The following SCP2 variants were observed in gnomAD, a reference collection of about 807,000 sequenced individuals.
SCP2 encodes SCP-2/3-oxoacyl-CoA thiolase.
Under a neutral mutation model 71.4 loss-of-function variants are expected in SCP2, and 48 were observed. The observed-to-expected ratio is 0.67, with a 90% CI of 0.53 to 0.86. The LOEUF is 0.86. SCP2 is among the 40% of genes least tolerant of loss of function. The probability of loss-of-function intolerance (pLI) is 0.00; values close to 1 mark genes in which losing one functional copy is unlikely to be tolerated. For missense variants in SCP2, 560 were observed against 655.6 expected, an observed-to-expected ratio of 0.85 and a Z score of 1.59; for synonymous variants, 220 against 218.1, an observed-to-expected ratio of 1.01 and a Z score of -0.08.
intron 1 of SCP2, among the ~76,000 whole-genome samples, chr1:52,932,790 T>C (rs1194827357): frequency 6.6e-6 from 1 of 152,172 alleles, no homozygotes; most frequent in Admixed American, 6.5e-5. Context: ...ATTAGTATTG[T>C]TATGAGATTA....
At chr1:52,978,187 G>A in intron 8 of SCP2, 30 bp from the exon 9 acceptor site, 1 of 1,610,176 alleles carries the variant, frequency 6.2e-7, no homozygotes, top group Non-Finnish European at 8.5e-7. Context: ...GTGCTACTGG[G>A]TGTGGAGAAT....
At chr1:52,965,272 G>GT (rs1165423985) in intron 6 of SCP2, among the ~76,000 whole-genome samples, 12 of 151,724 alleles carry the variant, frequency 7.9e-5, no homozygotes, top group South Asian at 4.2e-4. Flanking sequence ...ATGTGCATGG[G>GT]TTTTTTTTGT....
intron 14 of SCP2, 131 bp downstream of exon 14, chr1:53,039,177 A>T: frequency 8.6e-7 from 1 of 1,158,744 alleles, no homozygotes; most frequent in Non-Finnish European, 1.2e-6. Context: ...AGTAAATTCC[A>T]GGGAACAGGA....
chr1:52,994,506 A>T (rs1659784747), intron 11 of SCP2: 1 of 185,218 alleles, frequency 5.4e-6, no homozygotes, highest in Non-Finnish European at 1.1e-5. Context: ...AATTTTTCAT[A>T]TCTATATTTG....
chr1:52,974,211 C>G (rs189973861), intron 6 of SCP2, among the ~76,000 whole-genome samples: 1 of 151,808 alleles, frequency 6.6e-6, no homozygotes, highest in Non-Finnish European at 1.5e-5. Flanking sequence ...ATTTTTTTTG[C>G]GTGTTTTACC....
intron 6 of SCP2, among the ~76,000 whole-genome samples, chr1:52,962,352 G>A (rs575770154): frequency 6.6e-6 from 1 of 152,158 alleles, no homozygotes; most frequent in East Asian, 1.9e-4. Flanking sequence ...TGCTGTAGTG[G>A]CATAATTTCG....
rs1191733668 is a variant in SCP2 at position 52,995,829 on chromosome 1, G to A, written c.1081+7693G>A. 52 of 1,022,408 alleles carry A rather than the reference G, an allele frequency of 5.1e-5. 1 individual carries two copies. In the South Asian group the frequency reaches 7.1e-4, roughly 14 times the overall value. 63.3% of individuals were successfully genotyped at this position (1,022,408 alleles called of 1,614,324 possible). A position where few individuals can be genotyped will look rare whatever the true frequency, so the allele number is the denominator to read the frequency against. On this transcript the variant is annotated intron_variant, in intron 11 of 15. Coordinates refer to ENST00000371514, the MANE Select transcript of SCP2 (RefSeq NM_002979.5). The stretch of plus-strand genomic sequence containing the variant: ...ACGGCCATCCAGGAGCTCTTCAGGT[G>A]CATCTTGGAGCAGTTCACTGCCATG...
intron 1 of SCP2, among the ~76,000 whole-genome samples, chr1:52,929,056 G>A (rs1380129396): frequency 6.6e-6 from 1 of 152,066 alleles, no homozygotes; most frequent in Non-Finnish European, 1.5e-5. Context: ...ACAGTCCAGA[G>A]GAAAGTGGTG....
intron 4 of SCP2, among the ~76,000 whole-genome samples, chr1:52,953,635 C>T (rs1016869727): frequency 5.3e-5 from 8 of 151,958 alleles, no homozygotes; most frequent in African/African-American, 1.2e-4. Context: ...TGTGATTCAC[C>T]GCACCTGGCC....
intron 1 of SCP2, among the ~76,000 whole-genome samples, chr1:52,935,587 CAA>C (rs35419796): frequency 2.5e-4 from 27 of 108,638 alleles, no homozygotes; most frequent in Non-Finnish European, 1.6e-4. Flanking sequence ...GAGACTCAGT[CAA>C]AAAAAAAAAA....
At chr1:52,966,248 T>C (rs1028529331) in intron 6 of SCP2, among the ~76,000 whole-genome samples, 1 of 152,206 alleles carries the variant, frequency 6.6e-6, no homozygotes, top group Non-Finnish European at 1.5e-5. Flanking sequence ...CACATAGATA[T>C]ATCTATTATA....
At chr1:52,944,293 T>C (rs1654565367) in intron 2 of SCP2, among the ~76,000 whole-genome samples, 1 of 152,226 alleles carries the variant, frequency 6.6e-6, no homozygotes, top group Admixed American at 6.5e-5. Context: ...ATCCAGTGCA[T>C]ATATATTTAG....
At chr1:52,942,574 G>A (rs1215183276) in intron 2 of SCP2, among the ~76,000 whole-genome samples, 1 of 151,798 alleles carries the variant, frequency 6.6e-6, no homozygotes, top group African/African-American at 2.4e-5. Context: ...TTAAAAAAAG[G>A]GGACAAGTAT....
At chr1:53,010,471 C>T (rs1660915440) in intron 11 of SCP2, among the ~76,000 whole-genome samples, 1 of 152,140 alleles carries the variant, frequency 6.6e-6, no homozygotes, top group African/African-American at 2.4e-5. Flanking sequence ...AGTTCATGTC[C>T]TTTGTAGGGA....
Position 52,950,735 on chromosome 1 carries a change from A to G in SCP2, c.200-20A>G. ...CAACTCCATAATTCTCCATATTAAAATTTTTGTTTTTCTATTCAGGTGACT... is the reference window on the plus strand; with the variant it reads ...CAACTCCATAATTCTCCATATTAAAGTTTTTGTTTTTCTATTCAGGTGACT... On this transcript the variant is annotated intron_variant, in intron 3 of 15. Coordinates refer to ENST00000371514, the MANE Select transcript of SCP2 (RefSeq NM_002979.5). 6.2e-7 allele frequency: 1 copy of G among 1,608,692 alleles called. No individual in the cohort carries two copies. The highest frequency in any genetic ancestry group is 8.5e-7 in the Non-Finnish European group (1 of 1,175,320).
chr1:53,048,796 T>C (rs143687750), intron 15 of SCP2: 21 of 152,426 alleles, frequency 1.4e-4, no homozygotes, highest in African/African-American at 5.0e-4. Context: ...CAGTGTTGAA[T>C]GGACTTGATA....
At chr1:52,971,496 C>T (rs1321534649) in intron 6 of SCP2, among the ~76,000 whole-genome samples, 1 of 152,160 alleles carries the variant, frequency 6.6e-6, no homozygotes, top group Non-Finnish European at 1.5e-5. Flanking sequence ...CTGAAAATCA[C>T]TTACATGAGG....
chr1:52,940,234 T>G (rs756336560), intron 1 of SCP2: 1 of 152,116 alleles, frequency 6.6e-6, no homozygotes, highest in African/African-American at 2.4e-5. Context: ...CAAAACCCCA[T>G]CTCTACAAAA....
chr1:52,953,305 A>T (rs980289412), intron 4 of SCP2, among the ~76,000 whole-genome samples: 1 of 152,064 alleles, frequency 6.6e-6, no homozygotes, highest in Non-Finnish European at 1.5e-5. Context: ...TAACATATTG[A>T]GACTCAAGAG....
Sources: allele counts gnomAD v4.1 joint callset (sites outside exome capture counted in the v4.1 genomes callset), GRCh38; gene constraint gnomAD v4.1.1; transcripts MANE v1.5; gene names NCBI Gene and HGNC (gene_info 2026-07-23, HGNC 2026-07-21).